The following UGT1A8 variants were observed in gnomAD, a reference collection of about 807,000 sequenced individuals.
UGT1A8 encodes UDP glucuronosyltransferase family 1 member A8.
In UGT1A8, 39 loss-of-function variants were observed where a neutral mutation model predicts 45.3. The observed-to-expected ratio is 0.86, with a 90% confidence interval of 0.67 to 1.12. The LOEUF (loss-of-function observed/expected upper bound fraction) is 1.12. Ranked by LOEUF, UGT1A8 falls within the 50% of genes most tolerant of loss-of-function variation. The pLI is 0.00. For missense variants in UGT1A8, 719 were observed against 664.9 expected (o/e 1.08, Z -0.90); for synonymous variants, 275 against 249.2 (o/e 1.10, Z -0.97).
chr2:233,755,793 G>T (rs1244262397), intron 1 of UGT1A8: 1 of 152,190 alleles, frequency 6.6e-6, no homozygotes, highest in African/African-American at 2.4e-5. Flanking sequence ...CATATGTACT[G>T]CATTAGAGAT....
At chr2:233,722,345 T>C (rs2077007826) in intron 1 of UGT1A8, among the ~76,000 whole-genome samples, 2 of 152,264 alleles carry the variant, frequency 1.3e-5, no homozygotes, top group African/African-American at 4.8e-5. Context: ...GAAATTTTTC[T>C]ACAAATATAC....
intron 1 of UGT1A8, among the ~76,000 whole-genome samples, chr2:233,677,365 C>A (rs1190302695): frequency 6.6e-6 from 1 of 152,060 alleles, no homozygotes; most frequent in Non-Finnish European, 1.5e-5. Flanking sequence ...ATGAAGGGGA[C>A]CAACCCGTGT....
rs886811692 is a variant in UGT1A8 at position 233,635,115 on chromosome 2, T to C, written c.855+16553T>C. On this transcript the variant is annotated intron_variant, in intron 1 of 4. Transcript: ENST00000373450. ...GATTGAAAATTCTTTCCTTTAGGAA[T>C]GTTGAGTTTTGGTCCCCACTGTCTT... Among the ~76,000 whole-genome samples the C allele has an allele frequency of 7.3e-5, 11 of 150,936 alleles. 1 individual carries two copies. The highest frequency in any genetic ancestry group is 2.7e-4 in the African/African-American group (11 of 40,750).
chr2:233,713,285 A>G lies in UGT1A8; in HGVS notation c.856-53749A>G, dbSNP rs762192447. 2.5e-6 allele frequency: 4 copies of G among 1,614,230 alleles called. 1 individual carries two copies. Among genetic ancestry groups the G allele is most frequent in the South Asian group, 2.2e-5 (2 of 91,084 alleles). ...ATCGCCTTTTGCTGGGTCACACTCA[A>G]TCGTTCTTTGAAACAGAACATCTTC... On this transcript the variant is annotated intron_variant, in intron 1 of 4. Transcript: ENST00000373450.
In UGT1A8 at chr2:233,636,858, A is replaced by G. The variant is rs369963685; in HGVS notation, c.855+18296A>G. On this transcript the variant is annotated intron_variant, in intron 1 of 4. Coordinates refer to ENST00000373450, the MANE Select transcript of UGT1A8 (RefSeq NM_019076.5). ...GTATATTTTCTCTATTAATGAGTTCATCCAGTGGTTTTCTTGACTTATTTT... is the reference window on the plus strand; with the variant it reads ...GTATATTTTCTCTATTAATGAGTTCGTCCAGTGGTTTTCTTGACTTATTTT... 3.7e-6 allele frequency: 6 copies of G among 1,614,194 alleles called. No homozygotes were observed. In the South Asian group the frequency reaches 6.6e-5, roughly 18 times the overall value.
chr2:233,630,233 G>T (rs1314605045), intron 1 of UGT1A8, among the ~76,000 whole-genome samples: 2 of 152,074 alleles, frequency 1.3e-5, no homozygotes, highest in Non-Finnish European at 2.9e-5. Context: ...ACAGTCATCT[G>T]CAAGTGCCCC....
At chr2:233,743,470 G>T in intron 1 of UGT1A8, 1 of 1,366,762 alleles carries the variant, frequency 7.3e-7, no homozygotes, top group Non-Finnish European at 9.8e-7. Flanking sequence ...ACCCCCAAAA[G>T]CTGGAAATTC....
chr2:233,661,661 T>TTCTTTCTTTCTC (rs2125489285), intron 1 of UGT1A8, among the ~76,000 whole-genome samples: 1 of 148,336 alleles, frequency 6.7e-6, no homozygotes. Context: ...CTTTCTTTCT[T>TTCTTTCTTTCTC]TCTTTCTTTC....
intron 1 of UGT1A8, among the ~76,000 whole-genome samples, chr2:233,623,589 G>A (rs114175507): frequency 1.5e-3 from 224 of 152,110 alleles, no homozygotes; most frequent in African/African-American, 5.3e-3. Flanking sequence ...TTGTTACATA[G>A]CCACAATATC....
chr2:233,628,662 G>A (rs2073134078), intron 1 of UGT1A8, among the ~76,000 whole-genome samples: 1 of 152,042 alleles, frequency 6.6e-6, no homozygotes, highest in Admixed American at 6.6e-5. Context: ...GTAGAAGTGG[G>A]GAGGGCCCCT....
intron 1 of UGT1A8, among the ~76,000 whole-genome samples, chr2:233,675,998 GAATGGAGAATTCAGA>G (rs2074342378): frequency 6.6e-6 from 1 of 152,208 alleles, no homozygotes; most frequent in Non-Finnish European, 1.5e-5. Flanking sequence ...CAATGGAATA[GAATGGAGAATTCAGA>G]AATAAACCCA....
At chr2:233,764,677 A>G (rs1698620096) in intron 1 of UGT1A8, among the ~76,000 whole-genome samples, 1 of 152,174 alleles carries the variant, frequency 6.6e-6, no homozygotes, top group Non-Finnish European at 1.5e-5. Flanking sequence ...CAGAAGAAAG[A>G]ACTTGAAGAG....
chr2:233,747,552 A>T, intron 1 of UGT1A8: 1 of 1,601,266 alleles, frequency 6.2e-7, no homozygotes, highest in Middle Eastern at 1.7e-4. Flanking sequence ...TTCTAAAAGT[A>T]TGGCAATTTT....
At chr2:233,643,740 C>T (rs1304212707) in intron 1 of UGT1A8, among the ~76,000 whole-genome samples, 1 of 152,162 alleles carries the variant, frequency 6.6e-6, no homozygotes, top group African/African-American at 2.4e-5. Flanking sequence ...ATTCAGGTTC[C>T]AAGGTCTCTT....
At chr2:233,752,806 A>T (rs1429691743) in intron 1 of UGT1A8, among the ~76,000 whole-genome samples, 1 of 152,230 alleles carries the variant, frequency 6.6e-6, no homozygotes, top group Non-Finnish European at 1.5e-5. Flanking sequence ...TGTAGAAGGA[A>T]CACTTCCCAT....
intron 1 of UGT1A8, chr2:233,718,134 G>A: frequency 3.8e-6 from 1 of 266,146 alleles, no homozygotes; most frequent in East Asian, 8.0e-5. Flanking sequence ...TGTAGATGGA[G>A]AATCCTCAAT....
intron 1 of UGT1A8, chr2:233,748,229 G>A: frequency 1.4e-6 from 2 of 1,404,944 alleles, no homozygotes; most frequent in Non-Finnish European, 1.9e-6. Flanking sequence ...AAACTGTTAA[G>A]GGGTCTCTAG....
intron 1 of UGT1A8, among the ~76,000 whole-genome samples, chr2:233,715,912 C>G (rs2076476989): frequency 6.6e-6 from 1 of 152,186 alleles, no homozygotes; most frequent in African/African-American, 2.4e-5. Flanking sequence ...GTGGGAGGAT[C>G]ATTGAGCTCA....
rs559410870 is a variant in UGT1A8, at chr2:233,649,169, C to T, written c.855+30607C>T. 2.8e-5 allele frequency: 13 copies of T among 459,274 alleles called. No individual in the cohort carries two copies. The East Asian group carries it at 3.6e-4, about 13-fold the overall frequency. The allele number at this position is 459,274 out of a possible 1,614,324, so 28.4% of individuals were successfully genotyped here. ...GTAAAAAATTATTTTGTGCCATCCA[C>T]GTGTTTGTTGGTTAGCAACTTTTAT... On this transcript the variant is annotated intron_variant, in intron 1 of 4. Transcript: ENST00000373450.
Sources: gnomAD v4.1 joint callset for allele counts (sites outside exome capture counted in the v4.1 genomes callset) on GRCh38, gnomAD v4.1.1 for gene constraint, MANE v1.5 for transcripts, NCBI Gene and HGNC (gene_info 2026-07-23, HGNC 2026-07-21) for gene names.